The following CT55 variants were observed in gnomAD, a reference collection of about 807,000 sequenced individuals.
The protein encoded by CT55 is cancer/testis antigen 55, also known as BRCA2-interacting protein.
CT55 carries 1 observed loss-of-function variant against 12.6 expected under a neutral mutation model. The ratio of observed to expected loss-of-function variants is 0.08; its 90% CI spans 0.03 to 0.38. CT55 has a LOEUF of 0.38. CT55 is among the 10% of genes least tolerant of loss of function. CT55 has a pLI of 0.99. For synonymous variants in CT55, 43 were observed against 49.7 expected, an observed-to-expected ratio of 0.87 and a Z score of 0.57; for missense variants, 109 against 135.4, an observed-to-expected ratio of 0.80 and a Z score of 0.97.
chrX:135,168,341 CACAAAGACAAAT>C (rs1556406292), intron 2 of CT55, among the ~76,000 whole-genome samples: 1 of 111,954 alleles, frequency 8.9e-6, no homozygotes, highest in Non-Finnish European at 1.9e-5. Flanking sequence ...AAGCCAGTCA[CACAAAGACAAAT>C]ACTGCACGGT....
intron 1 of CT55, among the ~76,000 whole-genome samples, chrX:135,170,790 G>C (rs2083607512): frequency 8.9e-6 from 1 of 111,754 alleles, no homozygotes; most frequent in South Asian, 3.8e-4. Context: ...AATATAAATA[G>C]GCATGTGCTG....
intron 3 of CT55, 22 bp from the exon 4 acceptor site, chrX:135,158,333 G>A (rs2083546506): frequency 1.0e-6 from 1 of 989,529 alleles, no homozygotes; most frequent in East Asian, 3.0e-5. Flanking sequence ...ATGGAGAAAT[G>A]TGAGTGTCAT....
chrX:135,160,963 AG>A (rs1457746176), intron 2 of CT55, among the ~76,000 whole-genome samples: 9 of 111,485 alleles, frequency 8.1e-5, no homozygotes, highest in African/African-American at 2.6e-4. Context: ...CATTTCAGAC[AG>A]GGAGAAAATA....
chrX:135,171,317 C>G lies in CT55; in HGVS notation c.-146G>C, dbSNP rs782202325. 27 of 1,031,254 alleles carry G rather than the reference C, an allele frequency of 2.6e-5. No homozygotes were observed. Among genetic ancestry groups the G allele is most frequent in the Non-Finnish European group, 3.4e-5 (27 of 783,754 alleles). 85.0% of individuals were successfully genotyped at this position (1,031,254 alleles called of 1,213,427 possible). On this transcript the variant is annotated 5_prime_UTR_variant, in exon 1 of 6. Transcript: ENST00000276241. Reference sequence around the variant, plus strand: ...CAGACACTGTGGCATGGGACCCACCCGTTAGTGAGCCCCCCTCAGGAGAGT... The same window carrying G: ...CAGACACTGTGGCATGGGACCCACCGGTTAGTGAGCCCCCCTCAGGAGAGT...
chrX:135,160,950 G>T (rs573775580), intron 2 of CT55, among the ~76,000 whole-genome samples: 1 of 111,473 alleles, frequency 9.0e-6, no homozygotes, highest in East Asian at 2.8e-4. Context: ...TCTAGAGGGA[G>T]AACATTTCAG....
intron 3 of CT55, among the ~76,000 whole-genome samples, 154 bp downstream of exon 3, chrX:135,160,257 C>A (rs1381731588): frequency 1.8e-5 from 2 of 111,273 alleles, no homozygotes; most frequent in Non-Finnish European, 3.8e-5. Context: ...TGTCTATTTG[C>A]CCCTATACTG....
At chrX:135,164,926 T>C (rs1556405744) in intron 2 of CT55, among the ~76,000 whole-genome samples, 1 of 111,877 alleles carries the variant, frequency 8.9e-6, no homozygotes, top group East Asian at 2.8e-4. Flanking sequence ...CACCTAAATA[T>C]ATGAAGCAGA....
intron 2 of CT55, among the ~76,000 whole-genome samples, chrX:135,164,803 T>C (rs1435402629): frequency 1.8e-5 from 2 of 112,130 alleles, no homozygotes; most frequent in African/African-American, 3.2e-5. Flanking sequence ...TCAAATAAAA[T>C]AGAGTTTAAA....
intron 1 of CT55, 51 bp downstream of exon 1, chrX:135,171,027 C>T: frequency 8.3e-7 from 1 of 1,197,878 alleles, no homozygotes. Context: ...GAGGAGAACC[C>T]CTATTGGGAG....
intron 2 of CT55, among the ~76,000 whole-genome samples, chrX:135,165,246 C>A (rs1342972731): frequency 2.7e-5 from 3 of 111,881 alleles, no homozygotes; most frequent in Non-Finnish European, 5.6e-5. Flanking sequence ...CTAACCACAA[C>A]GGTAAAGTAT....
At chrX:135,164,762 C>T (rs192289947) in intron 2 of CT55, among the ~76,000 whole-genome samples, 1 of 111,695 alleles carries the variant, frequency 9.0e-6, no homozygotes, top group Admixed American at 9.5e-5. Context: ...TAAAGGGAAA[C>T]CAAAAGAGAG....
chrX:135,171,337 G>C lies in CT55; in HGVS notation c.-166C>G. 1 of 958,643 alleles carries C rather than the reference G, an allele frequency of 1.0e-6. No homozygotes were observed. The highest frequency in any genetic ancestry group is 2.8e-5 in the South Asian group (1 of 35,810). 79.0% of individuals were successfully genotyped at this position (958,643 alleles called of 1,213,427 possible). ...CCACCCGTTAGTGAGCCCCCCTCAG[G>C]AGAGTCAGGGACACCGCAGCCTCCA... On this transcript the variant is annotated 5_prime_UTR_variant, in exon 1 of 6. Coordinates refer to ENST00000276241, the MANE Select transcript of CT55 (RefSeq NM_001031705.3).
At chrX:135,158,504 C>T (rs2083547484) in intron 3 of CT55, among the ~76,000 whole-genome samples, 193 bp from the exon 4 acceptor site, 1 of 112,646 alleles carries the variant, frequency 8.9e-6, no homozygotes, top group African/African-American at 3.2e-5. Context: ...CATTGATTCT[C>T]CTCTACTGAT....
chrX:135,169,362 A>G (rs782039789), intron 2 of CT55, among the ~76,000 whole-genome samples: 49 of 112,510 alleles, frequency 4.4e-4, no homozygotes, highest in Non-Finnish European at 5.3e-4. Flanking sequence ...TGTTACTCAT[A>G]TTGTTTAAAG....
rs782352788 is a variant in CT55 at position 135,169,409 on chromosome X, AG to A, written c.279+184del. On this transcript the variant is annotated intron_variant, in intron 2 of 5. Coordinates refer to ENST00000276241, the MANE Select transcript of CT55 (RefSeq NM_001031705.3). ...AGATAAGTAAGCTTTTATGTTTTAC[AG>A]CACAAATTACTACAAATATTACAAC... 2.0e-4 allele frequency among the ~76,000 whole-genome samples: 22 copies of A among 112,447 alleles called. 1 individual carries two copies. In the East Asian group the frequency reaches 6.1e-3, roughly 31 times the overall value.
chrX:135,163,518 C>T (rs188018492), intron 2 of CT55, among the ~76,000 whole-genome samples: 2 of 109,190 alleles, frequency 1.8e-5, no homozygotes, highest in African/African-American at 3.3e-5. Flanking sequence ...TCAGAGGAGA[C>T]AAAATTAAAA....
chrX:135,159,651 TTTTCCTGACTGA>T (rs1382656620), intron 3 of CT55, among the ~76,000 whole-genome samples: 1 of 111,302 alleles, frequency 9.0e-6, no homozygotes, highest in East Asian at 2.8e-4. Context: ...TATTACAACG[TTTTCCTGACTGA>T]TTTCCTGACT....
intron 2 of CT55, among the ~76,000 whole-genome samples, chrX:135,163,957 C>A (rs1389749373): frequency 9.0e-6 from 1 of 111,410 alleles, no homozygotes; most frequent in Non-Finnish European, 1.9e-5. Context: ...ATGTACCCAG[C>A]AGTGAAGGGG....
chrX:135,163,116 C>A (rs782078339), intron 2 of CT55, among the ~76,000 whole-genome samples: 163 of 111,956 alleles, frequency 1.5e-3, no homozygotes, highest in Non-Finnish European at 2.6e-3. Flanking sequence ...CTGCAAAGAC[C>A]GAAATGGATA....
Sources: gnomAD v4.1 joint callset for allele counts (sites outside exome capture counted in the v4.1 genomes callset) on GRCh38, gnomAD v4.1.1 for gene constraint, MANE v1.5 for transcripts, NCBI Gene and HGNC (gene_info 2026-07-23, HGNC 2026-07-21) for gene names.